The following GNAS-AS1 variants were observed in gnomAD, a reference collection of about 807,000 sequenced individuals.
GNAS-AS1 encodes GNAS antisense RNA 1, also known as GNAS antisense RNA 1 (non-protein coding).
chr20:58,821,806 T>G (rs1260282910), intron 4 of GNAS-AS1, among the ~76,000 whole-genome samples: 1 of 152,066 alleles, frequency 6.6e-6, no homozygotes, highest in Non-Finnish European at 1.5e-5. Flanking sequence ...TCTGACCCAC[T>G]AAGGAAAAGG....
intron 3 of GNAS-AS1, chr20:58,842,353 T>A (rs2085771938): frequency 2.5e-6 from 1 of 397,966 alleles, no homozygotes. Flanking sequence ...GGAGGAATAG[T>A]AAAGCGTTTT....
At chr20:58,844,973 T>C (rs1339019149) in intron 2 of GNAS-AS1, among the ~76,000 whole-genome samples, 1 of 152,218 alleles carries the variant, frequency 6.6e-6, no homozygotes, top group Non-Finnish European at 1.5e-5. Flanking sequence ...AATTCCACTG[T>C]GTCCTTTCCC....
intron 4 of GNAS-AS1, among the ~76,000 whole-genome samples, chr20:58,833,619 C>T (rs1227326064): frequency 2.0e-5 from 3 of 152,134 alleles, no homozygotes; most frequent in African/African-American, 7.2e-5. Context: ...AACCAAGTAT[C>T]CACCACAAGG....
intron 4 of GNAS-AS1, among the ~76,000 whole-genome samples, chr20:58,821,340 C>T (rs1228335746): frequency 2.6e-5 from 4 of 152,332 alleles, no homozygotes; most frequent in East Asian, 1.9e-4. Flanking sequence ...AGAGCCATCA[C>T]CTCGGACTCC....
At position 58,841,604 on chromosome 20, in the gene GNAS-AS1, G is replaced by C; in HGVS notation, n.819+333C>G. On this transcript the variant is annotated intron_variant and non_coding_transcript_variant, in intron 4 of 4. Transcript: ENST00000424094. This position sits in a 1 kb window ranked among gnomAD's most constrained non-coding sequence, Gnocchi z 5.0. ...GGACAGAGACCGCCTCAAAGAGCGT[G>C]CGCACCTGCCCGCGCGCGCCGGAGC... 9.7e-7 allele frequency: 1 copy of C among 1,032,370 alleles called. No homozygotes were observed. The highest frequency in any genetic ancestry group is 1.2e-6 in the Non-Finnish European group (1 of 860,872). 64.0% of individuals were successfully genotyped at this position (1,032,370 alleles called of 1,614,324 possible).
At chr20:58,850,478 T>C (rs939325525) in intron 1 of GNAS-AS1, 2 of 398,068 alleles carry the variant, frequency 5.0e-6, no homozygotes, top group Non-Finnish European at 8.8e-6. Context: ...AACAACCCCT[T>C]TGGAGCACCC....
intron 4 of GNAS-AS1, chr20:58,836,139 T>C (rs2085601442): frequency 6.6e-6 from 1 of 152,174 alleles, no homozygotes; most frequent in African/African-American, 2.4e-5. Context: ...AGGCCTTCAA[T>C]GGAATCAGAG....
chr20:58,841,646 C>T lies in GNAS-AS1; in HGVS notation n.819+291G>A. On this transcript the variant is annotated intron_variant and non_coding_transcript_variant, in intron 4 of 4. Transcript: ENST00000424094. This position sits in a 1 kb window ranked among gnomAD's most constrained non-coding sequence, Gnocchi z 5.0. ...CGCCGGAGCTGACCTCTCCCGGCGG[C>T]GGGCGGTTAGGGGAAAGTACCTGGG... 1 of 1,109,252 alleles carries T rather than the reference C, an allele frequency of 9.0e-7. No homozygotes were observed. The highest frequency in any genetic ancestry group is 1.1e-6 in the Non-Finnish European group (1 of 909,914). The allele number at this position is 1,109,252 out of a possible 1,614,324, so 68.7% of individuals were successfully genotyped here.
chr20:58,820,695 C>T (rs2085479959), intron 4 of GNAS-AS1, among the ~76,000 whole-genome samples: 2 of 152,228 alleles, frequency 1.3e-5, no homozygotes, highest in South Asian at 4.1e-4. Flanking sequence ...TGGCAGAAGG[C>T]AAGGAGGAGC....
At chr20:58,834,882 G>T (rs2085592165) in intron 4 of GNAS-AS1, among the ~76,000 whole-genome samples, 1 of 152,188 alleles carries the variant, frequency 6.6e-6, no homozygotes, top group Admixed American at 6.5e-5. Context: ...ACAGAAACCA[G>T]CCATGTCAAA....
chr20:58,831,843 C>T lies in GNAS-AS1; in HGVS notation n.819+10094G>A, dbSNP rs939896334. Among the ~76,000 whole-genome samples, 11 of 152,220 alleles carry T rather than the reference C, an allele frequency of 7.2e-5. No homozygotes were observed. The East Asian group carries it at 2.1e-3, about 29-fold the overall frequency. ...GAAATGATATCAAAATTCTAAAAGG[C>T]AGGAAGCTTATATAGCCTCAAAATC... On this transcript the variant is annotated intron_variant and non_coding_transcript_variant, in intron 4 of 4. Coordinates refer to ENST00000424094, the Ensembl canonical transcript of GNAS-AS1.
intron 2 of GNAS-AS1, among the ~76,000 whole-genome samples, chr20:58,847,481 T>A (rs1430509955): frequency 6.6e-6 from 1 of 152,252 alleles, no homozygotes; most frequent in Admixed American, 6.5e-5. Context: ...CAAAGTCTAT[T>A]ACTACTCACT....
At chr20:58,842,062 G>A in exon 4 of GNAS-AS1, 1 of 456,612 alleles carries the variant, frequency 2.2e-6, no homozygotes. Flanking sequence ...CTTGGGGAGG[G>A]GAGGCGAGGC....
rs1431950452 is a variant in GNAS-AS1, at chr20:58,819,334, C to T, written n.820-79G>A. 1.0e-5 allele frequency: 4 copies of T among 397,770 alleles called. No individual in the cohort carries two copies. In the Admixed American group the frequency reaches 1.8e-4, roughly 18 times the overall value. The allele number at this position is 397,770 out of a possible 1,614,324, so 24.6% of individuals were successfully genotyped here. A position where few individuals can be genotyped will look rare whatever the true frequency, so the allele number is the denominator to read the frequency against. On this transcript the variant is annotated intron_variant and non_coding_transcript_variant, in intron 4 of 4. Coordinates refer to ENST00000424094, the Ensembl canonical transcript of GNAS-AS1. Reference sequence around the variant, plus strand: ...TTAACAACAGAAATGAAACCAGGCGCACACACACTCACCTGCGGCATGATC... The same window carrying T: ...TTAACAACAGAAATGAAACCAGGCGTACACACACTCACCTGCGGCATGATC...
chr20:58,831,211 G>A (rs1342634837), intron 4 of GNAS-AS1, among the ~76,000 whole-genome samples: 1 of 152,202 alleles, frequency 6.6e-6, no homozygotes, highest in Non-Finnish European at 1.5e-5. Flanking sequence ...CCTAGATTTT[G>A]AGATTTTAGA....
intron 4 of GNAS-AS1, chr20:58,834,068 C>T (rs985444821): frequency 2.8e-4 from 43 of 152,234 alleles, no homozygotes; most frequent in African/African-American, 1.0e-3. Flanking sequence ...TAAACCGTGA[C>T]AACACTAAGG....
At position 58,841,971 on chromosome 20, in the gene GNAS-AS1, T is replaced by G; in HGVS notation, n.785A>C. 1 of 1,068,796 alleles carries G rather than the reference T, an allele frequency of 9.4e-7. No homozygotes were observed. Among genetic ancestry groups the G allele is most frequent in the Non-Finnish European group, 1.2e-6 (1 of 839,076 alleles). 66.2% of individuals were successfully genotyped at this position (1,068,796 alleles called of 1,614,324 possible). On this transcript the variant is annotated non_coding_transcript_exon_variant, in exon 4 of 5. Transcript: ENST00000424094. This position sits in a 1 kb window ranked among gnomAD's most constrained non-coding sequence, Gnocchi z 5.0. ...CCAAAGAGCGCGGTACGCGCAGAGC[T>G]GGGGAAAGGTGTTGGATCCGGCGCC...
At chr20:58,827,524 C>T (rs757880834) in intron 4 of GNAS-AS1, among the ~76,000 whole-genome samples, 9 of 152,208 alleles carry the variant, frequency 5.9e-5, no homozygotes, top group South Asian at 2.1e-4. Flanking sequence ...GTGTGTACTA[C>T]GACATGGTCA....
chr20:58,839,693 C>T, intron 4 of GNAS-AS1: 1 of 468,168 alleles, frequency 2.1e-6, no homozygotes, highest in Non-Finnish European at 3.7e-6. Context: ...ACATGCCCGG[C>T]AGAAGTCCGG....
Sources: gnomAD v4.1 joint callset for allele counts (sites outside exome capture counted in the v4.1 genomes callset) on GRCh38, gnomAD v4.1.1 for gene constraint, Gnocchi (gnomAD v3.1) non-coding constraint, MANE v1.5 for transcripts, NCBI Gene and HGNC (gene_info 2026-07-23, HGNC 2026-07-21) for gene names.